Variants in SLC36A3 observed in about 807,000 individuals in gnomAD.
The protein encoded by SLC36A3 is solute carrier family 36 member 3.
In SLC36A3, 35 loss-of-function variants were observed where a neutral mutation model predicts 44.3. The observed-to-expected ratio is 0.79, with a 90% CI of 0.60 to 1.05. The LOEUF is 1.05. SLC36A3 is among the 50% of genes least tolerant of loss of function. SLC36A3 has a pLI of 0.00. For synonymous variants in SLC36A3, 211 were observed against 227.6 expected (o/e 0.93, Z 0.66); for missense variants, 540 against 578.7 (o/e 0.93, Z 0.69).
At chr5:151,293,078 TAAGTA>T (rs1341370659) in intron 4 of SLC36A3, among the ~76,000 whole-genome samples, 6 of 152,196 alleles carry the variant, frequency 3.9e-5, no homozygotes, top group African/African-American at 1.2e-4. Flanking sequence ...GAAATTATCC[TAAGTA>T]ATGTATAAGA....
In SLC36A3 at chr5:151,279,095, C is replaced by G. The variant is rs116162232; in HGVS notation, c.1145-1434G>C. 4.1e-3 allele frequency among the ~76,000 whole-genome samples: 622 copies of G among 152,324 alleles called. 4 individuals carry two copies. The highest frequency in any genetic ancestry group is 0.014 in the African/African-American group (600 of 41,568). ...AGGCAATACTTGCCTCAGGTCTGTG[C>G]ACAGTCTGTTCCCTTCCCGTGGTAC... is the stretch of plus-strand genomic sequence containing the variant. On this transcript the variant is annotated intron_variant, in intron 9 of 9. Coordinates refer to ENST00000335230, the MANE Select transcript of SLC36A3 (RefSeq NM_181774.4).
rs1057453467 is a variant in SLC36A3, at chr5:151,281,098, T to G, written c.1060A>C (p.Ile354Leu). ...GACACTTGGGAGATGGCAAACGGGA[T>G]GATGATCTCAGCTGGGACGTGGAAC... ...LQFHVPAEII[I>L]PFAISQVSES... The change falls in exon 9 of 10, where the codon ATC becomes CTC. Residue 354 changes from isoleucine (I) to leucine (L), a missense_variant. Physicochemically the swap from Ile to Leu is conservative, Grantham distance 5 (BLOSUM62 2). Transcript: ENST00000335230. 9 of 1,614,008 alleles carry G rather than the reference T, an allele frequency of 5.6e-6. No individual in the cohort carries two copies. The highest frequency in any genetic ancestry group is 5.0e-5 in the Admixed American group (3 of 59,988).
At chr5:151,284,565 A>G in intron 7 of SLC36A3, 48 bp downstream of exon 7, 1 of 1,414,812 alleles carries the variant, frequency 7.1e-7, no homozygotes, top group Non-Finnish European at 9.8e-7. Context: ...ACAGTTGGCC[A>G]CTGTAGAGGG....
intron 2 of SLC36A3, chr5:151,297,563 T>C (rs1754999016): frequency 6.6e-6 from 1 of 152,256 alleles, no homozygotes; most frequent in Admixed American, 6.5e-5. Flanking sequence ...GGAAACTTGC[T>C]GTGTGCCAGT....
At chr5:151,295,214 C>G (rs1341185970) in intron 3 of SLC36A3, among the ~76,000 whole-genome samples, 6 of 152,164 alleles carry the variant, frequency 3.9e-5, no homozygotes, top group Admixed American at 2.6e-4. Context: ...AATACTGGCT[C>G]TGCCACTTCC....
intron 8 of SLC36A3, among the ~76,000 whole-genome samples, chr5:151,282,367 T>G (rs1395444035): frequency 6.6e-6 from 1 of 152,062 alleles, no homozygotes; most frequent in African/African-American, 2.4e-5. Context: ...GGGGTTTCTC[T>G]ATGTTGGTCT....
chr5:151,284,476 G>A, intron 7 of SLC36A3, 137 bp downstream of exon 7: 1 of 728,880 alleles, frequency 1.4e-6, no homozygotes, highest in Non-Finnish European at 2.2e-6. Flanking sequence ...CTGTATGTGG[G>A]TACAGACTTT....
intron 7 of SLC36A3, 87 bp downstream of exon 7, chr5:151,284,526 A>G: frequency 9.4e-7 from 1 of 1,061,560 alleles, no homozygotes; most frequent in Non-Finnish European, 1.4e-6. Flanking sequence ...ACCTTTTCAT[A>G]AATACTATTT....
At chr5:151,292,462 G>A (rs7714499) in intron 4 of SLC36A3, among the ~76,000 whole-genome samples, 9,639 of 152,138 alleles carry the variant, frequency 0.063, 978 homozygotes, top group African/African-American at 0.22. Context: ...CCATGCCTTT[G>A]GATATGTTAT....
chr5:151,293,670 C>T (rs1754844134), intron 3 of SLC36A3, among the ~76,000 whole-genome samples: 1 of 152,156 alleles, frequency 6.6e-6, no homozygotes, highest in Non-Finnish European at 1.5e-5. Context: ...AAATATTTAA[C>T]TGACTATCAT....
chr5:151,287,025 C>CGAT (rs35061459), intron 6 of SLC36A3, among the ~76,000 whole-genome samples: 24,397 of 151,616 alleles, frequency 0.16, 2,538 homozygotes, highest in East Asian at 0.29. Flanking sequence ...TCCAATGTGA[C>CGAT]GATGATGATG....
rs376330659 is a variant in SLC36A3 at position 151,287,330 on chromosome 5, G to T, written c.624C>A (p.Asn208Lys). ...TCGAGAAGACGGACAGCACCTTGAGGTTCTGGATAAACACCAACAGGATCA... is the reference window on the plus strand; with the variant it reads ...TCGAGAAGACGGACAGCACCTTGAGTTTCTGGATAAACACCAACAGGATCA... ...PFLILLVFIQ[N>K]LKVLSVFSTL... The change falls in exon 6 of 10, where the codon AAC becomes AAA. Residue 208 changes from asparagine (N) to lysine (K), a missense_variant. Transcript: ENST00000335230. 1 of 1,614,164 alleles carries T rather than the reference G, an allele frequency of 6.2e-7. No individual in the cohort carries two copies. The highest frequency in any genetic ancestry group is 8.5e-7 in the Non-Finnish European group (1 of 1,180,032).
Position 151,303,671 on chromosome 5 carries a change from G to A in SLC36A3, c.-317C>T. The A allele has an allele frequency of 3.8e-6, 1 of 262,032 alleles. No individual in the cohort carries two copies. Among genetic ancestry groups the A allele is most frequent in the East Asian group, 7.4e-5 (1 of 13,490 alleles). 16.2% of individuals were successfully genotyped at this position (262,032 alleles called of 1,614,324 possible). ...TGGGCTTTTGGCCTCTCCTAGTTTA[G>A]CCCTTGCTGCTGTAGGGCAAAGTGA... On this transcript the variant is annotated 5_prime_UTR_variant, in exon 1 of 10. Coordinates refer to ENST00000335230, the MANE Select transcript of SLC36A3 (RefSeq NM_181774.4).
At chr5:151,290,878 AAATAAT>A (rs34311183) in intron 4 of SLC36A3, among the ~76,000 whole-genome samples, 3 of 151,002 alleles carry the variant, frequency 2.0e-5, no homozygotes, top group East Asian at 1.9e-4. Flanking sequence ...CTCTGTCTCA[AAATAAT>A]AATAATAATA....
At chr5:151,294,551 C>G (rs1338967587) in intron 3 of SLC36A3, among the ~76,000 whole-genome samples, 4 of 151,690 alleles carry the variant, frequency 2.6e-5, no homozygotes, top group African/African-American at 9.7e-5. Context: ...AGTCGGTTGT[C>G]TAACTGATTA....
At chr5:151,282,411 G>A (rs1355078955) in intron 8 of SLC36A3, among the ~76,000 whole-genome samples, 1 of 151,918 alleles carries the variant, frequency 6.6e-6, no homozygotes, top group African/African-American at 2.4e-5. Flanking sequence ...CAGGTGATAC[G>A]CCCTCCTCGG....
intron 3 of SLC36A3, among the ~76,000 whole-genome samples, chr5:151,294,296 G>A (rs1754876121): frequency 2.0e-5 from 3 of 152,174 alleles, no homozygotes; most frequent in African/African-American, 7.2e-5. Flanking sequence ...CACCGTGATA[G>A]GCATTTTCAA....
Position 151,284,117 on chromosome 5 carries a change from G to A in SLC36A3, c.901C>T (p.Leu301=). Reference sequence around the variant, plus strand: ...AACTTCATGTAGCCCAGTGTCCCCAGTAAGATATAGAGGATGATGACAATG... The same window carrying A: ...AACTTCATGTAGCCCAGTGTCCCCAATAAGATATAGAGGATGATGACAATG... ...MSIVIILYIL[L]GTLGYMKFGS... Residue 301 remains leucine, a synonymous_variant, in exon 8 of 10, where the codon CTG becomes TTG. Coordinates refer to ENST00000335230, the MANE Select transcript of SLC36A3 (RefSeq NM_181774.4). 6.2e-7 allele frequency: 1 copy of A among 1,614,136 alleles called. No individual in the cohort carries two copies.
In SLC36A3 at chr5:151,303,316, G is replaced by C. The variant is rs1244339623; in HGVS notation, c.39C>G (p.Asn13Lys). ...LLGRDYNSEL[N>K]SLDNGPQSPS... ...GTGACTGAGGTCCGTTGTCCAAGGA[G>C]TTCAGCTCACTGTTGTAGTCCCTTC... Residue 13 changes from asparagine (N) to lysine (K), a missense_variant, in exon 1 of 10, where the codon AAC (asparagine) becomes AAG (lysine). Coordinates refer to ENST00000335230, the MANE Select transcript of SLC36A3 (RefSeq NM_181774.4). 6.2e-7 allele frequency: 1 copy of C among 1,613,954 alleles called. No homozygotes were observed.
Sources: allele counts gnomAD v4.1 joint callset (sites outside exome capture counted in the v4.1 genomes callset), GRCh38; gene constraint gnomAD v4.1.1; transcripts MANE v1.5; gene names NCBI Gene and HGNC (gene_info 2026-07-23, HGNC 2026-07-21).